The following ARHGAP25 variants were observed in gnomAD, a reference collection of about 807,000 sequenced individuals.
The protein encoded by ARHGAP25 is Rho GTPase activating protein 25, also known as rho GTPase-activating protein 25.
ARHGAP25 carries 34 observed loss-of-function variants against 71.0 expected under a neutral mutation model. The ratio of observed to expected loss-of-function variants is 0.48; its 90% CI spans 0.36 to 0.64. The LOEUF is 0.64. Ranked by LOEUF, ARHGAP25 falls within the 30% of genes least tolerant of loss-of-function variation. The probability of loss-of-function intolerance (pLI) is 0.00; values close to 1 mark genes in which losing one functional copy is unlikely to be tolerated. For synonymous variants in ARHGAP25, 282 were observed against 296.5 expected, an observed-to-expected ratio of 0.95 and a Z score of 0.50; for missense variants, 706 against 805.1, an observed-to-expected ratio of 0.88 and a Z score of 1.49.
chr2:68,772,027 C>T (rs1035127377), intron 1 of ARHGAP25, among the ~76,000 whole-genome samples: 2 of 152,166 alleles, frequency 1.3e-5, no homozygotes, highest in African/African-American at 4.8e-5. Context: ...GCAACGCACA[C>T]GTGCTCCTAG....
chr2:68,747,042 A>G (rs986958273), intron 1 of ARHGAP25, among the ~76,000 whole-genome samples: 2 of 148,718 alleles, frequency 1.3e-5, no homozygotes, highest in Non-Finnish European at 3.0e-5. Flanking sequence ...AGGTGTCCCC[A>G]TGTATCTTCT....
chr2:68,775,742 C>A, intron 2 of ARHGAP25: 1 of 524,384 alleles, frequency 1.9e-6, no homozygotes, highest in East Asian at 5.0e-5. Flanking sequence ...TCAGGAAAAC[C>A]GATTTTGGGA....
At chr2:68,765,245 C>G (rs1031089120) in intron 1 of ARHGAP25, among the ~76,000 whole-genome samples, 2 of 151,936 alleles carry the variant, frequency 1.3e-5, no homozygotes, top group South Asian at 4.1e-4. Flanking sequence ...GGAATGTGTA[C>G]GTAAGTGGTA....
intron 9 of ARHGAP25, chr2:68,819,534 G>A (rs1484801340): frequency 1.4e-6 from 1 of 696,202 alleles, no homozygotes; most frequent in Admixed American, 2.0e-5. Flanking sequence ...TGAGTGACAA[G>A]TGTGCCAATC....
intron 10 of ARHGAP25, among the ~76,000 whole-genome samples, chr2:68,823,726 CT>C (rs1381019814): frequency 2.6e-5 from 4 of 152,172 alleles, no homozygotes; most frequent in African/African-American, 4.8e-5. Context: ...CTGGTTTATG[CT>C]TCATTGGCTC....
chr2:68,794,806 T>TA (rs1212108935), intron 4 of ARHGAP25, among the ~76,000 whole-genome samples: 1 of 152,144 alleles, frequency 6.6e-6, no homozygotes, highest in Non-Finnish European at 1.5e-5. Flanking sequence ...TTAGGGAGAA[T>TA]TCTCTCCTTC....
chr2:68,796,605 C>T (rs1213871622), intron 4 of ARHGAP25, among the ~76,000 whole-genome samples: 2 of 152,190 alleles, frequency 1.3e-5, no homozygotes, highest in Non-Finnish European at 2.9e-5. Context: ...TTTCCTTGGT[C>T]ATAAATAGCC....
chr2:68,777,354 G>A (rs184769398), intron 2 of ARHGAP25, among the ~76,000 whole-genome samples: 60 of 152,230 alleles, frequency 3.9e-4, no homozygotes, highest in South Asian at 3.9e-3. Flanking sequence ...TCATTTTTCC[G>A]GACCCCGCTT....
chr2:68,806,725 T>C (rs1163532834), intron 4 of ARHGAP25, among the ~76,000 whole-genome samples: 3 of 152,240 alleles, frequency 2.0e-5, no homozygotes, highest in Non-Finnish European at 4.4e-5. Context: ...CATTTAATAT[T>C]TTCAGACTGC....
At chr2:68,726,422 C>T (rs1435892011) in intron 2 of ARHGAP25, among the ~76,000 whole-genome samples, 1 of 152,220 alleles carries the variant, frequency 6.6e-6, no homozygotes, top group Non-Finnish European at 1.5e-5. Flanking sequence ...CTGATTTGCT[C>T]AGTGTGCTCC....
At chr2:68,800,244 G>A (rs368730773) in intron 4 of ARHGAP25, among the ~76,000 whole-genome samples, 2 of 152,132 alleles carry the variant, frequency 1.3e-5, no homozygotes, top group East Asian at 3.9e-4. Flanking sequence ...GAGGCAGGGT[G>A]GGGAGGGGCT....
intron 2 of ARHGAP25, among the ~76,000 whole-genome samples, chr2:68,727,328 T>C (rs1041489162): frequency 6.6e-6 from 1 of 152,236 alleles, no homozygotes; most frequent in African/African-American, 2.4e-5. Context: ...TTGGTTAAGA[T>C]GTGGGTACAA....
chr2:68,735,885 A>T (rs1675186531), intron 1 of ARHGAP25, among the ~76,000 whole-genome samples: 1 of 152,204 alleles, frequency 6.6e-6, no homozygotes, highest in Admixed American at 6.5e-5. Flanking sequence ...ATTTTCTGAG[A>T]TAGTCTGGCC....
intron 3 of ARHGAP25, among the ~76,000 whole-genome samples, chr2:68,785,562 G>T (rs995584941): frequency 3.3e-5 from 5 of 151,360 alleles, no homozygotes; most frequent in Non-Finnish European, 7.4e-5. Context: ...TGGGGGTAAG[G>T]GCATCAGTTT....
At chr2:68,791,026 G>A (rs1439089074) in intron 4 of ARHGAP25, among the ~76,000 whole-genome samples, 1 of 151,992 alleles carries the variant, frequency 6.6e-6, no homozygotes, top group African/African-American at 2.4e-5. Context: ...TGTTTCCTTC[G>A]CTGGGAATCC....
chr2:68,811,663 C>T (rs1004333923), intron 5 of ARHGAP25, among the ~76,000 whole-genome samples: 3 of 150,646 alleles, frequency 2.0e-5, no homozygotes, highest in African/African-American at 7.3e-5. Flanking sequence ...TTTTCAGAGA[C>T]AGCTACAACA....
chr2:68,778,211 G>A (rs1484336355), intron 2 of ARHGAP25, among the ~76,000 whole-genome samples: 1 of 151,980 alleles, frequency 6.6e-6, no homozygotes, highest in South Asian at 2.1e-4. Flanking sequence ...CTTATATTAG[G>A]CTACATTTAT....
intron 2 of ARHGAP25, among the ~76,000 whole-genome samples, chr2:68,781,251 G>T (rs1056252468): frequency 6.6e-6 from 1 of 152,090 alleles, no homozygotes; most frequent in Non-Finnish European, 1.5e-5. Flanking sequence ...TTAGCCAGAC[G>T]CAGTGGTGAG....
At chr2:68,731,121 G>C (rs184567771), upstream of ARHGAP25, among the ~76,000 whole-genome samples, 147 of 152,266 alleles carry the variant, frequency 9.7e-4, 2 homozygotes, top group Non-Finnish European at 4.4e-4. Context: ...GAATGAATGA[G>C]TCTGTTTGAG....
Sources: allele counts gnomAD v4.1 joint callset (sites outside exome capture counted in the v4.1 genomes callset), GRCh38; gene constraint gnomAD v4.1.1; transcripts MANE v1.5; gene names NCBI Gene and HGNC (gene_info 2026-07-23, HGNC 2026-07-21).